The following LRIG1 variants were observed in gnomAD, a reference collection of about 807,000 sequenced individuals.
The protein encoded by LRIG1 is leucine rich repeats and immunoglobulin like domains 1.
Under a neutral mutation model 99.2 loss-of-function variants are expected in LRIG1, and 48 were observed. The ratio of observed to expected loss-of-function variants is 0.48; its 90% CI spans 0.38 to 0.62. The LOEUF (loss-of-function observed/expected upper bound fraction) is 0.62. LRIG1 is among the 20% of genes least tolerant of loss of function. The pLI is 0.00. For synonymous variants in LRIG1, 772 were observed against 596.1 expected (o/e 1.29, Z -4.30); for missense variants, 1,646 against 1,434.4 (o/e 1.15, Z -2.38).
At chr3:66,401,680 G>A in intron 9 of LRIG1, 1 of 1,527,234 alleles carries the variant, frequency 6.5e-7, no homozygotes, top group Non-Finnish European at 8.8e-7. Flanking sequence ...CTAATAAAAG[G>A]CTGCTGCCAG....
chr3:66,465,576 G>A (rs1380752291), intron 1 of LRIG1, among the ~76,000 whole-genome samples: 2 of 151,816 alleles, frequency 1.3e-5, no homozygotes, highest in African/African-American at 2.4e-5. Context: ...ATGTTGGCCA[G>A]GCTGGTTTCA....
In LRIG1 at chr3:66,398,124, T is replaced by C; in HGVS notation, c.1292A>G (p.Asn431Ser). 6.2e-7 allele frequency: 1 copy of C among 1,613,722 alleles called. No individual in the cohort carries two copies. The highest frequency in any genetic ancestry group is 8.5e-7 in the Non-Finnish European group (1 of 1,179,608). Residue 431 changes from asparagine (N) to serine (S), a missense_variant, in exon 11 of 19, where the codon AAT becomes AGT. Physicochemically the swap from Asn to Ser is conservative, Grantham distance 46 (BLOSUM62 1). Coordinates refer to ENST00000273261, the MANE Select transcript of LRIG1 (RefSeq NM_015541.3). ...TCCAGATACTTACAGCTCTTTAAGATTCTTCATCTTCACAAAGGCATCAAA... is the reference window on the plus strand; with the variant it reads ...TCCAGATACTTACAGCTCTTTAAGACTCTTCATCTTCACAAAGGCATCAAA... ...VQFDAFVKMK[N>S]LKELHISSDS...
chr3:66,400,078 T>G (rs1398729990), intron 9 of LRIG1, among the ~76,000 whole-genome samples: 2 of 152,200 alleles, frequency 1.3e-5, no homozygotes, highest in Admixed American at 6.5e-5. Flanking sequence ...GCCTGTCCCC[T>G]TCCTGGACTG....
intron 1 of LRIG1, among the ~76,000 whole-genome samples, chr3:66,482,170 G>A (rs573871597): frequency 7.9e-5 from 12 of 152,206 alleles, no homozygotes; most frequent in Non-Finnish European, 1.8e-4. Flanking sequence ...AGTCCCCTCC[G>A]CAACACGCGT....
At chr3:66,417,325 A>T (rs1702645175) in intron 3 of LRIG1, 59 bp from the exon 4 acceptor site, 1 of 1,568,732 alleles carries the variant, frequency 6.4e-7, no homozygotes, top group Non-Finnish European at 8.7e-7. Context: ...ACTACAAGAA[A>T]CTAGTATTCC....
At chr3:66,432,773 A>G (rs941164208) in intron 3 of LRIG1, among the ~76,000 whole-genome samples, 10 of 152,032 alleles carry the variant, frequency 6.6e-5, no homozygotes, top group African/African-American at 2.4e-4. Context: ...ATAGCACCCC[A>G]TACCTCCCAC....
chr3:66,405,857 A>G (rs1702250865), intron 8 of LRIG1: 3 of 1,097,568 alleles, frequency 2.7e-6, no homozygotes, highest in African/African-American at 1.7e-5. Context: ...CTTGTGACCC[A>G]CTCGCCAGGA....
At chr3:66,489,461 A>G (rs1345402607) in intron 1 of LRIG1, among the ~76,000 whole-genome samples, 1 of 152,106 alleles carries the variant, frequency 6.6e-6, no homozygotes, top group Non-Finnish European at 1.5e-5. Context: ...GGTCACGGCT[A>G]TAGTGAGCCA....
intron 12 of LRIG1, chr3:66,386,522 C>T (rs1575647783): frequency 1.9e-6 from 1 of 527,900 alleles, no homozygotes; most frequent in African/African-American, 1.9e-5. Flanking sequence ...CCTTTATGAT[C>T]ACACTCCTTG....
At chr3:66,389,484 A>G (rs1701531268) in intron 12 of LRIG1, among the ~76,000 whole-genome samples, 1 of 152,348 alleles carries the variant, frequency 6.6e-6, no homozygotes, top group East Asian at 1.9e-4. Flanking sequence ...GTGTGGATTC[A>G]AAGATACAAA....
intron 6 of LRIG1, among the ~76,000 whole-genome samples, chr3:66,412,333 G>A (rs1040646002): frequency 9.9e-5 from 15 of 152,196 alleles, no homozygotes; most frequent in African/African-American, 3.6e-4. Flanking sequence ...GATGTGAGGA[G>A]GGGTCTGTTC....
intron 3 of LRIG1, among the ~76,000 whole-genome samples, chr3:66,435,992 A>G (rs1186681070): frequency 6.6e-6 from 1 of 152,222 alleles, no homozygotes; most frequent in Non-Finnish European, 1.5e-5. Context: ...TCTCAGAGCC[A>G]AGCACCAACT....
chr3:66,448,634 C>A (rs2106799303), intron 3 of LRIG1, among the ~76,000 whole-genome samples: 1 of 152,268 alleles, frequency 6.6e-6, no homozygotes, highest in South Asian at 2.1e-4. Context: ...ACAGCAGGAC[C>A]CACACCTAGC....
At chr3:66,467,804 ATATC>A (rs1700509648) in intron 1 of LRIG1, among the ~76,000 whole-genome samples, 1 of 152,252 alleles carries the variant, frequency 6.6e-6, no homozygotes, top group African/African-American at 2.4e-5. Context: ...ACCAACGAAT[ATATC>A]TATATCATGA....
Position 66,407,372 on chromosome 3 carries a change from T to C in LRIG1, c.1055A>G (p.Lys352Arg), listed in dbSNP as rs896984928. The part of the protein sequence containing the change: ...SISHIAEGAF[K>R]GLRSLRVLDL... ...CAAGACTCGCAGGCTCCTGAGTCCC[T>C]TGAAGGCACCCTCCGCAATGTGGCT... The change falls in exon 8 of 19, where the codon AAG becomes AGG. Residue 352 changes from lysine (K) to arginine (R), a missense_variant. Lys to Arg is a conservative substitution (Grantham distance 26). Transcript: ENST00000273261. The C allele has an allele frequency of 6.2e-7, 1 of 1,614,100 alleles. No homozygotes were observed. The highest frequency in any genetic ancestry group is 2.2e-5 in the East Asian group (1 of 44,870).
intron 3 of LRIG1, among the ~76,000 whole-genome samples, chr3:66,441,349 G>A (rs1703531732): frequency 1.3e-5 from 2 of 152,204 alleles, no homozygotes; most frequent in African/African-American, 4.8e-5. Flanking sequence ...GCCACTATCC[G>A]AGAATCTACT....
In LRIG1 at chr3:66,380,302, C is replaced by T. The variant is rs781256187; in HGVS notation, c.3243G>A (p.Gly1081=). 2 of 1,613,882 alleles carry T rather than the reference C, an allele frequency of 1.2e-6. No homozygotes were observed. Among genetic ancestry groups the T allele is most frequent in the Admixed American group, 3.3e-5 (2 of 60,020 alleles). Residue 1081 remains glycine (G), a synonymous_variant, in exon 19 of 19, where the codon GGG becomes GGA. Coordinates refer to ENST00000273261, the MANE Select transcript of LRIG1 (RefSeq NM_015541.3). ...ESTPLTGQLP[G]KQRVPLLLAP... is the part of the protein sequence containing the mutation. ...CCAACAGCAGTGGCACCCTCTGTTTCCCGGGGAGCTGTCCTGTCAGTGGCG... is the reference window on the plus strand; with the variant it reads ...CCAACAGCAGTGGCACCCTCTGTTTTCCGGGGAGCTGTCCTGTCAGTGGCG...
chr3:66,500,384 C>T lies in LRIG1; in HGVS notation c.24G>A (p.Gly8=). 6.8e-7 allele frequency: 1 copy of T among 1,462,782 alleles called. No individual in the cohort carries two copies. Among genetic ancestry groups the T allele is most frequent in the Admixed American group, 2.7e-5 (1 of 36,498 alleles). The allele number at this position is 1,462,782 out of a possible 1,614,324, so 90.6% of individuals were successfully genotyped here. Residue 8 remains glycine (G), a synonymous_variant, in exon 1 of 19, where the codon GGG becomes GGA. Transcript: ENST00000273261. The part of the protein sequence containing the change: MARPVRG[G]LGAPRRSPCL... Reference sequence around the variant, plus strand: ...AAGGCGAGCGGCGCGGGGCCCCGAGCCCTCCCCGGACCGGCCGCGCCATCT... The same window carrying T: ...AAGGCGAGCGGCGCGGGGCCCCGAGTCCTCCCCGGACCGGCCGCGCCATCT...
chr3:66,381,043 C>T, intron 17 of LRIG1, 182 bp from the exon 18 acceptor site: 1 of 628,108 alleles, frequency 1.6e-6, no homozygotes, highest in South Asian at 2.0e-5. Context: ...CACCAAGTCA[C>T]TCATGAACTG....
Sources: gnomAD v4.1 joint callset for allele counts (sites outside exome capture counted in the v4.1 genomes callset) on GRCh38, gnomAD v4.1.1 for gene constraint, MANE v1.5 for transcripts, NCBI Gene and HGNC (gene_info 2026-07-23, HGNC 2026-07-21) for gene names.